The following PPP5C variants were observed in gnomAD, a reference collection of about 807,000 sequenced individuals.
PPP5C encodes the protein protein phosphatase 5 catalytic subunit, also known as serine/threonine-protein phosphatase 5.
PPP5C carries 21 observed loss-of-function variants against 66.7 expected under a neutral mutation model. That is an observed-to-expected ratio of 0.31 (90% confidence interval 0.22 to 0.45). The LOEUF is 0.45. Ranked by LOEUF, PPP5C falls within the 20% of genes least tolerant of loss-of-function variation. The probability of loss-of-function intolerance (pLI) is 1.00; values close to 1 mark genes in which losing one functional copy is unlikely to be tolerated. For synonymous variants in PPP5C, 246 were observed against 257.4 expected (o/e 0.96, Z 0.43); for missense variants, 464 against 675.9 (o/e 0.69, Z 3.48).
chr19:46,347,520 C>T (rs1048760799), intron 1 of PPP5C, among the ~76,000 whole-genome samples: 1 of 151,250 alleles, frequency 6.6e-6, no homozygotes, highest in Non-Finnish European at 1.5e-5. Flanking sequence ...CTGTAGAGGG[C>T]GCTACCAGGC....
intron 3 of PPP5C, among the ~76,000 whole-genome samples, 179 bp downstream of exon 3, chr19:46,375,930 C>G (rs1001794050): frequency 1.3e-5 from 2 of 152,184 alleles, no homozygotes; most frequent in Admixed American, 1.3e-4. Flanking sequence ...CTGGGCCTCA[C>G]GCTTCCCAGT....
chr19:46,384,754 G>T (rs1458018630), intron 6 of PPP5C, 50 bp from the exon 7 acceptor site: 1 of 1,197,714 alleles, frequency 8.3e-7, no homozygotes, highest in South Asian at 1.2e-5. Flanking sequence ...CAACCCCACC[G>T]CACCGCACCC....
rs527660651 is a variant in PPP5C at position 46,376,413 on chromosome 19, T to C, written c.512-40T>C. The C allele has an allele frequency of 6.8e-6, 11 of 1,607,326 alleles. No individual in the cohort carries two copies. In the South Asian group the frequency reaches 1.1e-4, roughly 16 times the overall value. ...AGACCCCCTTCTCCCTCATAGTGGC[T>C]GTGGTCACTGACTCTCGTGTCCCGT... On this transcript the variant is annotated intron_variant, in intron 3 of 12. Transcript: ENST00000012443. The surrounding 1 kb of genome is among the most constrained non-coding windows in gnomAD (Gnocchi z 5.1).
At chr19:46,385,129 A>G (rs1972860062) in intron 7 of PPP5C, among the ~76,000 whole-genome samples, 1 of 152,130 alleles carries the variant, frequency 6.6e-6, no homozygotes, top group African/African-American at 2.4e-5. Context: ...TACTCTGACC[A>G]TTTTTCAGCA....
rs1421783233 is a variant in PPP5C, at chr19:46,387,246, C to T, written c.1047+11C>T. 5 of 1,613,992 alleles carry T rather than the reference C, an allele frequency of 3.1e-6. No individual in the cohort carries two copies. The highest frequency in any genetic ancestry group is 1.1e-5 in the South Asian group (1 of 91,092). On this transcript the variant is annotated intron_variant, in intron 8 of 12. Transcript: ENST00000012443. Reference sequence around the variant, plus strand: ...AACGGCAAAGTGCTGGTGAGGACGGCGCGAGCCCTGAGTGTGGGTTCCCCA... The same window carrying T: ...AACGGCAAAGTGCTGGTGAGGACGGTGCGAGCCCTGAGTGTGGGTTCCCCA...
chr19:46,364,740 G>A (rs1052337808), intron 2 of PPP5C, among the ~76,000 whole-genome samples: 1 of 152,066 alleles, frequency 6.6e-6, no homozygotes, highest in Non-Finnish European at 1.5e-5. Context: ...CATTCGATTT[G>A]TCTGGTTCTA....
At chr19:46,365,592 T>C (rs1267573793) in intron 2 of PPP5C, among the ~76,000 whole-genome samples, 1 of 152,176 alleles carries the variant, frequency 6.6e-6, no homozygotes. Flanking sequence ...GCTTCAGGTA[T>C]CAGAGTGACC....
In PPP5C at chr19:46,390,719, G is replaced by GGTCA; in HGVS notation, c.*375_*378dup. 3 of 1,155,074 alleles carry GGTCA rather than the reference G, an allele frequency of 2.6e-6. No individual in the cohort carries two copies. Among genetic ancestry groups the GGTCA allele is most frequent in the Non-Finnish European group, 3.2e-6 (3 of 927,104 alleles). The allele number at this position is 1,155,074 out of a possible 1,614,324, so 71.6% of individuals were successfully genotyped here. On this transcript the variant is annotated 3_prime_UTR_variant, in exon 13 of 13. Coordinates refer to ENST00000012443, the MANE Select transcript of PPP5C (RefSeq NM_006247.4). ...GCCATAGGAAGACCCCCAGAGAGAG[G>GGTCA]GTCAGCAGGGGGGCCCCGCCTGCGC...
chr19:46,376,311 G>A lies in PPP5C; in HGVS notation c.512-142G>A. On this transcript the variant is annotated intron_variant, in intron 3 of 12. Transcript: ENST00000012443. The surrounding 1 kb of genome is among the most constrained non-coding windows in gnomAD (Gnocchi z 5.1). ...AGGCCTCTGGGCCAGACCTGACCCA[G>A]GAGGGGACTCTTCACTCACTCTGTC... 9.2e-7 allele frequency: 1 copy of A among 1,091,876 alleles called. No homozygotes were observed. Among genetic ancestry groups the A allele is most frequent in the Non-Finnish European group, 1.3e-6 (1 of 764,308 alleles). 67.6% of individuals were successfully genotyped at this position (1,091,876 alleles called of 1,614,324 possible).
At chr19:46,366,270 G>GT (rs1972489085) in intron 2 of PPP5C, among the ~76,000 whole-genome samples, 2 of 152,140 alleles carry the variant, frequency 1.3e-5, no homozygotes, top group African/African-American at 4.8e-5. Context: ...TTGGGCCAGG[G>GT]TTGAGAGAAT....
intron 1 of PPP5C, 82 bp from the exon 2 acceptor site, chr19:46,353,666 G>T: frequency 6.3e-7 from 1 of 1,576,806 alleles, no homozygotes; most frequent in South Asian, 1.2e-5. Flanking sequence ...TCTGTGAACA[G>T]GGAGACTGGG....
chr19:46,384,929 G>T lies in PPP5C; in HGVS notation c.904+20G>T. The T allele has an allele frequency of 6.3e-7, 1 of 1,589,770 alleles. No homozygotes were observed. The highest frequency in any genetic ancestry group is 1.1e-5 in the South Asian group (1 of 90,556). On this transcript the variant is annotated intron_variant, in intron 7 of 12. Transcript: ENST00000012443. ...TTCGAGGTGAGCTGGGAAGTGACAA[G>T]GTTTGGGTTCATTGTGGGGTCCTGA... is the stretch of plus-strand genomic sequence containing the variant.
rs906188983 is a variant in PPP5C, at chr19:46,353,755, C to G, written c.129C>G (p.Asp43Glu). The G allele has an allele frequency of 1.9e-6, 3 of 1,614,166 alleles. No homozygotes were observed. Among genetic ancestry groups the G allele is most frequent in the African/African-American group, 2.7e-5 (2 of 75,066 alleles). ...CTTCTTCTGTCTCCGCAGCCAAGGACTACGAGAACGCCATCAAGTTCTACA... is the reference window on the plus strand; with the variant it reads ...CTTCTTCTGTCTCCGCAGCCAAGGAGTACGAGAACGCCATCAAGTTCTACA... ...TQANDYFKAK[D>E]YENAIKFYSQ... The change falls in exon 2 of 13, where the codon GAC becomes GAG. Residue 43 changes from aspartate to glutamate, a missense_variant. Physicochemically the swap from Asp to Glu is conservative, Grantham distance 45. This residue lies in a region of PPP5C where 387 missense variants were observed against 626.0 expected (regional missense o/e 0.62). Coordinates refer to ENST00000012443, the MANE Select transcript of PPP5C (RefSeq NM_006247.4).
intron 7 of PPP5C, among the ~76,000 whole-genome samples, chr19:46,385,857 T>C (rs1427852308): frequency 6.7e-6 from 1 of 150,282 alleles, no homozygotes; most frequent in Admixed American, 6.6e-5. Flanking sequence ...AGTGGAAGGA[T>C]TGCTTGAGCC....
intron 1 of PPP5C, among the ~76,000 whole-genome samples, chr19:46,351,947 T>C (rs1389041650): frequency 3.3e-5 from 5 of 151,942 alleles, no homozygotes; most frequent in African/African-American, 1.2e-4. Context: ...TTGCCAGGAG[T>C]TGGCGTGGCA....
rs753540087 is a variant in PPP5C, at chr19:46,388,698, G to A, written c.1322G>A (p.Arg441His). The change falls in exon 11 of 13, where the codon CGC becomes CAC. Residue 441 changes from arginine (R) to histidine (H), a missense_variant. Arg to His is a conservative substitution (Grantham distance 29). Around this residue, in one of 2 missense-constraint regions of PPP5C, gnomAD observed 387 missense variants for 626.0 expected, o/e 0.62. Coordinates refer to ENST00000012443, the MANE Select transcript of PPP5C (RefSeq NM_006247.4). The surrounding 1 kb of genome is among the most constrained non-coding windows in gnomAD (Gnocchi z 4.9). ...GGCTACGAGGTGGCTCACGGAGGCC[G>A]CTGTGTCACCGTCTTCTCTGCCCCC... ...AEGYEVAHGG[R>H]CVTVFSAPNY... 24 of 1,614,066 alleles carry A rather than the reference G, an allele frequency of 1.5e-5. No individual in the cohort carries two copies. The highest frequency in any genetic ancestry group is 1.7e-4 in the Middle Eastern group (1 of 6,060).
At position 46,384,878 on chromosome 19, in the gene PPP5C, C is replaced by G; in HGVS notation, c.873C>G (p.Leu291=). 1 of 1,614,136 alleles carries G rather than the reference C, an allele frequency of 6.2e-7. No homozygotes were observed. The highest frequency in any genetic ancestry group is 8.5e-7 in the Non-Finnish European group (1 of 1,179,972). The change falls in exon 7 of 13, where the codon CTC becomes CTG. Residue 291 remains leucine, a synonymous_variant. Transcript: ENST00000012443. ...EVILTLFGFK[L]LYPDHFHLLR... is the part of the protein sequence containing the mutation. ...TCCTCACCCTTTTCGGCTTCAAGCT[C>G]CTGTACCCAGATCACTTTCACCTCC...
At chr19:46,364,977 A>T (rs1180438481) in intron 2 of PPP5C, among the ~76,000 whole-genome samples, 1 of 152,042 alleles carries the variant, frequency 6.6e-6, no homozygotes, top group Non-Finnish European at 1.5e-5. Flanking sequence ...GCAGTTTCCT[A>T]TAATTTTATT....
intron 2 of PPP5C, among the ~76,000 whole-genome samples, chr19:46,370,708 A>G (rs10409174): frequency 0.97 from 148,291 of 152,244 alleles, 72,250 homozygotes; most frequent in East Asian, 1. Flanking sequence ...ACTGCTGACT[A>G]AACATCATTA....
Sources: allele counts gnomAD v4.1 joint callset (sites outside exome capture counted in the v4.1 genomes callset), GRCh38; gene constraint gnomAD v4.1.1; regional missense constraint gnomAD v4.1.1; non-coding constraint Gnocchi (gnomAD v3.1); transcripts MANE v1.5; gene names NCBI Gene and HGNC (gene_info 2026-07-23, HGNC 2026-07-21).